MDN1: variants seen among roughly 807,000 people sequenced by gnomAD.
MDN1 encodes the protein midasin.
MDN1 carries 266 observed loss-of-function variants against 669.2 expected under a neutral mutation model. The observed-to-expected ratio is 0.40, with a 90% CI of 0.36 to 0.44. MDN1 has a LOEUF of 0.44. Among genes scored for constraint, MDN1 ranks in the 20% least tolerant of loss-of-function variants. The pLI, the probability that MDN1 is intolerant of heterozygous loss-of-function variation, is 1.00. For synonymous variants in MDN1, 2,385 were observed against 2,457.1 expected (o/e 0.97, Z 0.87); for missense variants, 5,940 against 6,754.0 (o/e 0.88, Z 4.22).
Position 89,754,092 on chromosome 6 carries a change from T to C in MDN1, c.2955A>G (p.Ser985=), listed in dbSNP as rs754361597. The C allele has an allele frequency of 1.3e-5, 21 of 1,613,160 alleles. 1 individual carries two copies. The South Asian group carries it at 1.8e-4, about 14-fold the overall frequency. The change falls in exon 21 of 102, where the codon TCA becomes TCG. Residue 985 remains serine (S), a synonymous_variant. Coordinates refer to ENST00000369393, the MANE Select transcript of MDN1 (RefSeq NM_014611.3). ...GAGACTTCAGAAAGACCTCATAGAG[T>C]GAGCGCTGAATGTTGCCACATGGAT... ...ASNPCGNIQR[S]LYEGFCLGFL... is the part of the protein sequence containing the mutation.
At chr6:89,744,885 AAAT>A (rs996087849) in intron 29 of MDN1, among the ~76,000 whole-genome samples, 1 of 152,070 alleles carries the variant, frequency 6.6e-6, no homozygotes, top group East Asian at 1.9e-4. Context: ...CCATCTCCAA[AAAT>A]AATAATAATA....
intron 59 of MDN1, among the ~76,000 whole-genome samples, chr6:89,697,656 ACTGCAACCT>A (rs1037432951): frequency 4.4e-4 from 66 of 151,098 alleles, no homozygotes; most frequent in African/African-American, 1.5e-3. Flanking sequence ...ATCTTGGCTC[ACTGCAACCT>A]CTGCCTCCCA....
At chr6:89,674,786 GAGA>G (rs751159093) in intron 78 of MDN1, among the ~76,000 whole-genome samples, 197 bp from the exon 79 acceptor site, 14 of 152,124 alleles carry the variant, frequency 9.2e-5, no homozygotes, top group Non-Finnish European at 2.1e-4. Flanking sequence ...AGTCTTTCAG[GAGA>G]AGTATCACAA....
At chr6:89,700,420 A>G in intron 56 of MDN1, 126 bp from the exon 57 acceptor site, 1 of 799,564 alleles carries the variant, frequency 1.3e-6, no homozygotes, top group Non-Finnish European at 2.0e-6. Context: ...CCTTAACCTA[A>G]GCTTTGAGAT....
rs1397224089 is a variant in MDN1 at position 89,670,981 on chromosome 6, G to A, written c.13894C>T (p.His4632Tyr). 1 of 1,614,068 alleles carries A rather than the reference G, an allele frequency of 6.2e-7. No individual in the cohort carries two copies. Among genetic ancestry groups the A allele is most frequent in the Non-Finnish European group, 8.5e-7 (1 of 1,180,040 alleles). The change falls in exon 83 of 102, where the codon CAC becomes TAC. Residue 4632 changes from histidine to tyrosine, a missense_variant. Transcript: ENST00000369393. ...LFFLTMSLAT[H>Y]RSTAKLLSVL... The stretch of plus-strand genomic sequence containing the variant: ...GAGAGCAGCTTTGCAGTACTACGGT[G>A]AGTTGCTAAAGACATGGTCAGGAAG...
At chr6:89,765,924 GTC>G (rs1817782356) in intron 15 of MDN1, among the ~76,000 whole-genome samples, 1 of 152,182 alleles carries the variant, frequency 6.6e-6, no homozygotes, top group Non-Finnish European at 1.5e-5. Context: ...AATTATTAAT[GTC>G]TCTGTTATTA....
Position 89,749,228 on chromosome 6 carries a change from G to T in MDN1, c.3757C>A (p.Leu1253Ile). The T allele has an allele frequency of 6.2e-7, 1 of 1,613,646 alleles. No individual in the cohort carries two copies. Among genetic ancestry groups the T allele is most frequent in the Non-Finnish European group, 8.5e-7 (1 of 1,179,828 alleles). Residue 1253 changes from leucine to isoleucine, a missense_variant, in exon 26 of 102, where the codon CTT becomes ATT. Around this residue, in one of 5 missense-constraint regions of MDN1, gnomAD observed 2,292 missense variants for 2,638.3 expected, o/e 0.87. Transcript: ENST00000369393. ...CSKLVKVMLD[L>I]QSYRRSSSVF... ...TTCCATTTGAAACTAAGTACCTGAA[G>T]ATCCAGCATGACTTTAACCAACTTG...
chr6:89,708,725 C>G (rs1813685544), intron 50 of MDN1, 97 bp from the exon 51 acceptor site: 2 of 1,317,434 alleles, frequency 1.5e-6, no homozygotes, highest in African/African-American at 1.5e-5. Context: ...TTACTTTGAG[C>G]ACATTGAATC....
chr6:89,674,126 A>G lies in MDN1; in HGVS notation c.13225T>C (p.Cys4409Arg), dbSNP rs749157730. 1 of 1,614,118 alleles carries G rather than the reference A, an allele frequency of 6.2e-7. No homozygotes were observed. The highest frequency in any genetic ancestry group is 8.5e-7 in the Non-Finnish European group (1 of 1,179,988). Residue 4409 changes from cysteine to arginine, a missense_variant, in exon 79 of 102, where the codon TGT (cysteine) becomes CGT (arginine). Around this residue, in one of 5 missense-constraint regions of MDN1, gnomAD observed 2,280 missense variants for 2,576.3 expected, o/e 0.88. Transcript: ENST00000369393. ...TACCAAGAATGAAAGAGAGTCTCAC[A>G]AGACTGCTGTCTAATTTTGTCGACG... ...ADVDKIRQQS[C>R]ETLFHSWKDF...
chr6:89,730,273 T>C (rs1815505739), intron 35 of MDN1, among the ~76,000 whole-genome samples: 2 of 152,182 alleles, frequency 1.3e-5, no homozygotes, highest in South Asian at 4.1e-4. Flanking sequence ...GAGGCCTAAA[T>C]GTCAGATGCC....
At chr6:89,729,705 C>T (rs1815468389) in intron 35 of MDN1, among the ~76,000 whole-genome samples, 1 of 127,036 alleles carries the variant, frequency 7.9e-6, no homozygotes. Context: ...TTTTGTACAC[C>T]AGTTTGAAGG....
In MDN1 at chr6:89,690,529, GCC is replaced by G. The variant is rs1812312332; in HGVS notation, c.10749+142_10749+143del. ...GCTATGATTGCGCCACTGCACTCCA[GCC>G]TGGGTGATAGAGCAAGACCCAGTCT... On this transcript the variant is annotated intron_variant, in intron 64 of 101. Transcript: ENST00000369393. 9.7e-5 allele frequency: 103 copies of G among 1,062,876 alleles called. 1 individual carries two copies. In the South Asian group the frequency reaches 1.6e-3, roughly 17 times the overall value. The allele number at this position is 1,062,876 out of a possible 1,614,324, so 65.8% of individuals were successfully genotyped here.
chr6:89,717,240 A>G (rs1814437612), intron 43 of MDN1, among the ~76,000 whole-genome samples: 1 of 152,216 alleles, frequency 6.6e-6, no homozygotes, highest in Non-Finnish European at 1.5e-5. Context: ...CAAATGCTTT[A>G]TAGTTTATAT....
At chr6:89,743,318 T>A (rs1816389929) in intron 30 of MDN1, 38 bp from the exon 31 acceptor site, 3 of 1,612,754 alleles carry the variant, frequency 1.9e-6, no homozygotes, top group Non-Finnish European at 2.5e-6. Flanking sequence ...AAAGGGCAGG[T>A]GGCTCCACAG....
At chr6:89,718,331 G>A in intron 43 of MDN1, 35 bp downstream of exon 43, 1 of 1,591,688 alleles carries the variant, frequency 6.3e-7, no homozygotes. Context: ...ATAAGCAATG[G>A]TAAGTTCCTG....
intron 15 of MDN1, among the ~76,000 whole-genome samples, chr6:89,763,228 T>C (rs1029603077): frequency 1.3e-5 from 2 of 151,060 alleles, no homozygotes; most frequent in Non-Finnish European, 2.9e-5. Context: ...GATTTACTTA[T>C]GTAAATTAAA....
intron 9 of MDN1, 40 bp from the exon 10 acceptor site, chr6:89,781,632 A>T (rs1435334592): frequency 6.7e-7 from 1 of 1,498,684 alleles, no homozygotes; most frequent in Non-Finnish European, 9.0e-7. Flanking sequence ...AACAGCCAGC[A>T]TGGTAATTTT....
intron 83 of MDN1, among the ~76,000 whole-genome samples, chr6:89,669,783 C>A (rs1311371327): frequency 1.3e-5 from 2 of 151,980 alleles, no homozygotes. Flanking sequence ...CCTACCCACA[C>A]CATGTTGCTG....
chr6:89,810,509 G>T (rs1272571399), intron 1 of MDN1, among the ~76,000 whole-genome samples: 1 of 152,150 alleles, frequency 6.6e-6, no homozygotes, highest in East Asian at 1.9e-4. Context: ...AAGTTTGGAA[G>T]TCCAAGATCA....
Sources: allele counts gnomAD v4.1 joint callset (sites outside exome capture counted in the v4.1 genomes callset), GRCh38; gene constraint gnomAD v4.1.1; regional missense constraint gnomAD v4.1.1; transcripts MANE v1.5; gene names NCBI Gene and HGNC (gene_info 2026-07-23, HGNC 2026-07-21).